The following PID1 variants were observed in gnomAD, a reference collection of about 807,000 sequenced individuals.
The protein encoded by PID1 is phosphotyrosine interaction domain containing 1, also known as PTB-containing, cubilin and LRP1-interacting protein.
In PID1, 10 loss-of-function variants were observed where a neutral mutation model predicts 19.1. The observed-to-expected ratio is 0.52, with a 90% CI of 0.32 to 0.89. The LOEUF (loss-of-function observed/expected upper bound fraction) is 0.89, where lower values mean the gene tolerates loss of function less well. Ranked by LOEUF, PID1 falls within the 40% of genes least tolerant of loss-of-function variation. The pLI, the probability that PID1 is intolerant of heterozygous loss-of-function variation, is 0.03. For missense variants in PID1, 248 were observed against 285.3 expected (o/e 0.87, Z 0.94); for synonymous variants, 130 against 116.0 (o/e 1.12, Z -0.78).
chr2:229,112,363 T>C (rs184990430), intron 2 of PID1, among the ~76,000 whole-genome samples: 10 of 152,350 alleles, frequency 6.6e-5, no homozygotes, highest in Admixed American at 1.3e-4. Context: ...TACACCATCA[T>C]TGGAGTTCAC....
chr2:229,059,392 G>T (rs941817562), intron 2 of PID1, among the ~76,000 whole-genome samples: 3 of 152,184 alleles, frequency 2.0e-5, no homozygotes, highest in African/African-American at 7.2e-5. Context: ...TGAAAGCATC[G>T]CTGAATACCT....
chr2:229,189,486 G>A (rs1186485639), intron 1 of PID1, among the ~76,000 whole-genome samples: 1 of 152,214 alleles, frequency 6.6e-6, no homozygotes, highest in Non-Finnish European at 1.5e-5. Flanking sequence ...CCCGAAGACA[G>A]GAGTTCAAGA....
intron 1 of PID1, among the ~76,000 whole-genome samples, chr2:229,176,314 G>C (rs536686383): frequency 6.6e-6 from 1 of 152,308 alleles, no homozygotes; most frequent in Admixed American, 6.5e-5. Flanking sequence ...TTTTGGCTCA[G>C]AGCTCCCCTG....
At chr2:229,189,482 G>A (rs1196881314) in intron 1 of PID1, among the ~76,000 whole-genome samples, 1 of 152,170 alleles carries the variant, frequency 6.6e-6, no homozygotes, top group Non-Finnish European at 1.5e-5. Flanking sequence ...ATCACCCGAA[G>A]ACAGGAGTTC....
At chr2:229,133,086 A>T (rs1309744803) in intron 2 of PID1, among the ~76,000 whole-genome samples, 1 of 152,176 alleles carries the variant, frequency 6.6e-6, no homozygotes, top group African/African-American at 2.4e-5. Flanking sequence ...CTGGAGACGG[A>T]TTTATTTTGA....
intron 1 of PID1, among the ~76,000 whole-genome samples, chr2:229,251,279 T>A (rs905141174): frequency 9.1e-6 from 1 of 109,822 alleles, no homozygotes; most frequent in African/African-American, 3.0e-5. Flanking sequence ...TACTGTATTT[T>A]TTTTTTTTTC....
intron 2 of PID1, among the ~76,000 whole-genome samples, chr2:229,140,326 T>C (rs1427396691): frequency 6.6e-6 from 1 of 151,974 alleles, no homozygotes; most frequent in African/African-American, 2.4e-5. Context: ...CATCCTATAG[T>C]GGGAAAGGAG....
chr2:229,234,969 C>A (rs890467951), intron 1 of PID1, among the ~76,000 whole-genome samples: 1 of 152,186 alleles, frequency 6.6e-6, no homozygotes, highest in African/African-American at 2.4e-5. Flanking sequence ...TCCTGGTAAT[C>A]AAATGCATCA....
intron 1 of PID1, chr2:229,263,031 A>T: frequency 5.2e-6 from 4 of 764,622 alleles, no homozygotes; most frequent in Non-Finnish European, 7.4e-6. Flanking sequence ...ACTTCAACAC[A>T]TCTTTTAGGG....
chr2:229,132,430 A>G (rs1271194642), intron 2 of PID1, among the ~76,000 whole-genome samples: 1 of 152,220 alleles, frequency 6.6e-6, no homozygotes, highest in Non-Finnish European at 1.5e-5. Flanking sequence ...TTTCGGTGTC[A>G]CTATCACTGC....
intron 2 of PID1, among the ~76,000 whole-genome samples, chr2:229,061,133 C>T (rs1694204655): frequency 6.6e-6 from 1 of 151,912 alleles, no homozygotes; most frequent in Non-Finnish European, 1.5e-5. Context: ...TTATTTTTTG[C>T]TTTTATTACC....
intron 1 of PID1, among the ~76,000 whole-genome samples, chr2:229,173,692 C>G (rs1690755391): frequency 6.6e-6 from 1 of 152,142 alleles, no homozygotes; most frequent in African/African-American, 2.4e-5. Context: ...AGACCGTGTG[C>G]TAAGGAAGCC....
At chr2:229,196,101 G>T (rs547043214) in intron 1 of PID1, among the ~76,000 whole-genome samples, 39 of 152,074 alleles carry the variant, frequency 2.6e-4, no homozygotes, top group African/African-American at 8.9e-4. Context: ...AGTCAAAACT[G>T]TTTCTTGAAA....
chr2:229,029,937 G>A (rs1693511940), intron 2 of PID1, among the ~76,000 whole-genome samples: 1 of 151,802 alleles, frequency 6.6e-6, no homozygotes, highest in Admixed American at 6.6e-5. Context: ...GTATATCAAA[G>A]AGATATTGTA....
At chr2:229,253,995 A>C (rs973753861) in intron 1 of PID1, among the ~76,000 whole-genome samples, 5 of 152,204 alleles carry the variant, frequency 3.3e-5, no homozygotes, top group Admixed American at 6.5e-5. Flanking sequence ...CAGCAGGACG[A>C]CAGACCTTCT....
intron 2 of PID1, among the ~76,000 whole-genome samples, chr2:229,050,920 T>C (rs1163985259): frequency 6.6e-6 from 1 of 152,224 alleles, no homozygotes; most frequent in Non-Finnish European, 1.5e-5. Context: ...CCTAATATTT[T>C]CTATGAAGAA....
chr2:229,163,680 T>TGTGTGCGCGCGCGC (rs1365270238), intron 1 of PID1, among the ~76,000 whole-genome samples: 20 of 103,808 alleles, frequency 1.9e-4, no homozygotes, highest in African/African-American at 5.7e-4. Context: ...TGTGTGCGTG[T>TGTGTGCGCGCGCGC]GCGTGTGTGT....
At chr2:229,244,222 T>C (rs952168038) in intron 1 of PID1, among the ~76,000 whole-genome samples, 2 of 152,166 alleles carry the variant, frequency 1.3e-5, no homozygotes, top group East Asian at 1.9e-4. Context: ...GGATCCCTTG[T>C]TAAGCAGTCA....
At chr2:229,158,003 T>C (rs80264208) in intron 1 of PID1, among the ~76,000 whole-genome samples, 1 of 152,212 alleles carries the variant, frequency 6.6e-6, no homozygotes, top group East Asian at 1.9e-4. Flanking sequence ...GTGCAGCGTT[T>C]TCACTGTTCC....
Sources: allele counts gnomAD v4.1 joint callset (sites outside exome capture counted in the v4.1 genomes callset), GRCh38; gene constraint gnomAD v4.1.1; transcripts MANE v1.5; gene names NCBI Gene and HGNC (gene_info 2026-07-23, HGNC 2026-07-21).